KCNC2: variants seen among roughly 807,000 people sequenced by gnomAD.
KCNC2 encodes the protein voltage-gated potassium channel KCNC2.
Under a neutral mutation model 44.5 loss-of-function variants are expected in KCNC2, and 21 were observed. The observed-to-expected ratio is 0.47, with a 90% CI of 0.33 to 0.68. KCNC2 has a LOEUF of 0.68. Among genes scored for constraint, KCNC2 ranks in the 30% least tolerant of loss-of-function variants. The probability of loss-of-function intolerance (pLI) is 0.01; values close to 1 mark genes in which losing one functional copy is unlikely to be tolerated. For missense variants in KCNC2, 589 were observed against 826.2 expected (o/e 0.71, Z 3.52); for synonymous variants, 391 against 339.1 (o/e 1.15, Z -1.68).
At chr12:75,131,889 G>A (rs78014383) in intron 2 of KCNC2, among the ~76,000 whole-genome samples, 3,536 of 152,204 alleles carry the variant, frequency 0.023, 141 homozygotes, top group African/African-American at 0.081. Flanking sequence ...AAGGAATACC[G>A]TTGAGCCAGC....
chr12:75,150,314 A>G (rs956151055), intron 2 of KCNC2, among the ~76,000 whole-genome samples: 1 of 151,870 alleles, frequency 6.6e-6, no homozygotes, highest in African/African-American at 2.4e-5. Flanking sequence ...ATCTTTTTCA[A>G]TAATAGTAAG....
At chr12:75,094,513 C>T (rs982730672) in intron 2 of KCNC2, among the ~76,000 whole-genome samples, 1 of 151,626 alleles carries the variant, frequency 6.6e-6, no homozygotes, top group Non-Finnish European at 1.5e-5. Flanking sequence ...TTCTAATTCT[C>T]CTCCACTCCA....
At chr12:75,073,932 G>A (rs1883659887) in intron 2 of KCNC2, among the ~76,000 whole-genome samples, 1 of 152,150 alleles carries the variant, frequency 6.6e-6, no homozygotes, top group East Asian at 1.9e-4. Flanking sequence ...CTGGAAAAGT[G>A]ACTTTTCCTT....
chr12:75,046,018 A>C (rs1424391882), intron 4 of KCNC2, among the ~76,000 whole-genome samples: 2 of 151,788 alleles, frequency 1.3e-5, no homozygotes, highest in Non-Finnish European at 3.0e-5. Context: ...GGGAAACAGG[A>C]GAAGAAATGA....
intron 2 of KCNC2, among the ~76,000 whole-genome samples, chr12:75,110,229 T>C (rs1180809601): frequency 1.3e-5 from 2 of 152,292 alleles, no homozygotes; most frequent in African/African-American, 4.8e-5. Flanking sequence ...AAAACCAACA[T>C]ATTTTATATG....
chr12:75,113,645 G>A (rs1223313827), intron 2 of KCNC2, among the ~76,000 whole-genome samples: 1 of 152,124 alleles, frequency 6.6e-6, no homozygotes, highest in East Asian at 1.9e-4. Context: ...GGAGTTTAGA[G>A]AGACTAAGAA....
rs146595689 is a variant in KCNC2 at position 75,042,052 on chromosome 12, G to A, written c.*1053C>T. 7.8e-5 allele frequency: 91 copies of A among 1,161,272 alleles called. No individual in the cohort carries two copies. The African/African-American group carries it at 1.3e-3, about 17-fold the overall frequency. 71.9% of individuals were successfully genotyped at this position (1,161,272 alleles called of 1,614,324 possible). ...TAATCTTTTGACTCAGGAATTTAAG[G>A]CTAGTCAAAAAAGCCTTCTGTGAAC... On this transcript the variant is annotated 3_prime_UTR_variant, in exon 5 of 5. Transcript: ENST00000549446.
intron 2 of KCNC2, among the ~76,000 whole-genome samples, chr12:75,067,561 C>G (rs1041913156): frequency 6.6e-6 from 1 of 152,076 alleles, no homozygotes; most frequent in Non-Finnish European, 1.5e-5. Context: ...ATATTGAACT[C>G]TACTTACTTT....
intron 2 of KCNC2, among the ~76,000 whole-genome samples, chr12:75,180,317 T>C (rs1892491683): frequency 6.6e-6 from 1 of 151,766 alleles, no homozygotes; most frequent in African/African-American, 2.4e-5. Context: ...AAATGTTTGT[T>C]GAATGGGTAC....
intron 2 of KCNC2, among the ~76,000 whole-genome samples, chr12:75,110,997 A>G (rs1887192194): frequency 6.6e-6 from 1 of 152,124 alleles, no homozygotes; most frequent in African/African-American, 2.4e-5. Flanking sequence ...TAGACTATAT[A>G]CAATTTTATG....
intron 2 of KCNC2, among the ~76,000 whole-genome samples, chr12:75,159,248 T>C (rs1463608270): frequency 1.3e-5 from 2 of 151,672 alleles, no homozygotes; most frequent in African/African-American, 4.8e-5. Context: ...TGCACATGTA[T>C]CCCAGAATTT....
intron 2 of KCNC2, among the ~76,000 whole-genome samples, chr12:75,107,199 G>C (rs1166573432): frequency 6.6e-6 from 1 of 152,100 alleles, no homozygotes. Flanking sequence ...AGCTACTCTG[G>C]AGGCTGAGGC....
chr12:75,079,906 GT>G (rs1884331306), intron 2 of KCNC2, among the ~76,000 whole-genome samples: 1 of 152,088 alleles, frequency 6.6e-6, no homozygotes, highest in Non-Finnish European at 1.5e-5. Flanking sequence ...GGAGAACAAT[GT>G]GATTCCCTGT....
chr12:75,146,038 C>G (rs533159010), intron 2 of KCNC2, among the ~76,000 whole-genome samples: 4 of 150,380 alleles, frequency 2.7e-5, no homozygotes, highest in South Asian at 4.2e-4. Context: ...ACTGCAGGTT[C>G]CACCTCCCGG....
At chr12:75,104,131 T>C (rs1426202434) in intron 2 of KCNC2, among the ~76,000 whole-genome samples, 4 of 151,958 alleles carry the variant, frequency 2.6e-5, no homozygotes, top group Non-Finnish European at 5.9e-5. Context: ...GTGTGAGTGT[T>C]AGGCTACTAT....
chr12:75,045,105 G>A (rs779399269), intron 4 of KCNC2, among the ~76,000 whole-genome samples: 3 of 151,938 alleles, frequency 2.0e-5, no homozygotes, highest in East Asian at 1.9e-4. Context: ...ACCTAAAAAC[G>A]TAAACTAGAC....
At chr12:75,187,541 C>T (rs1003210879) in intron 2 of KCNC2, among the ~76,000 whole-genome samples, 4 of 152,156 alleles carry the variant, frequency 2.6e-5, no homozygotes, top group Admixed American at 2.6e-4. Flanking sequence ...CTTACAGTAG[C>T]GCAGGCTGGC....
chr12:75,147,604 GTTAAAAC>G (rs1890114371), intron 2 of KCNC2, among the ~76,000 whole-genome samples: 1 of 152,152 alleles, frequency 6.6e-6, no homozygotes, highest in Non-Finnish European at 1.5e-5. Context: ...TGGAATTTTA[GTTAAAAC>G]TTAAATAAAT....
At chr12:75,068,363 A>G (rs967569643) in intron 2 of KCNC2, among the ~76,000 whole-genome samples, 1 of 152,234 alleles carries the variant, frequency 6.6e-6, no homozygotes, top group Non-Finnish European at 1.5e-5. Context: ...GAATATCTCA[A>G]TCAGCGAAGC....
Sources: gnomAD v4.1 joint callset for allele counts (sites outside exome capture counted in the v4.1 genomes callset) on GRCh38, gnomAD v4.1.1 for gene constraint, MANE v1.5 for transcripts, NCBI Gene and HGNC (gene_info 2026-07-23, HGNC 2026-07-21) for gene names.